Variants in PABPC4L observed in about 807,000 individuals in gnomAD.
PABPC4L encodes polyadenylate-binding protein 4-like.
For synonymous variants in PABPC4L, 169 were observed against 164.1 expected (o/e 1.03, Z -0.23); for missense variants, 452 against 451.4 (o/e 1.00, Z -0.01).
At chr4:134,071,487 T>G in the PABPC4L span, among the ~76,000 whole-genome samples, 1 of 152,216 alleles carries the variant, frequency 6.6e-6, no homozygotes, top group East Asian at 1.9e-4. Flanking sequence ...ATTAAAATTC[T>G]TTGGTGTTTT....
At chr4:133,963,981 G>C in the PABPC4L span, among the ~76,000 whole-genome samples, 1 of 151,664 alleles carries the variant, frequency 6.6e-6, no homozygotes, top group African/African-American at 2.4e-5. Context: ...GATCAGAGCA[G>C]AACTAAATGA....
chr4:134,037,092 G>T, the PABPC4L span, among the ~76,000 whole-genome samples: 7 of 151,382 alleles, frequency 4.6e-5, no homozygotes, highest in Non-Finnish European at 8.8e-5. Context: ...GATACCTCCA[G>T]ATTTATTATT....
chr4:133,973,797 T>C, the PABPC4L span, among the ~76,000 whole-genome samples: 1 of 152,206 alleles, frequency 6.6e-6, no homozygotes, highest in Non-Finnish European at 1.5e-5. Flanking sequence ...CATTGTTTAA[T>C]ATTAAAGGTT....
At chr4:133,966,365 A>G in the PABPC4L span, among the ~76,000 whole-genome samples, 3 of 152,198 alleles carry the variant, frequency 2.0e-5, no homozygotes, top group African/African-American at 7.2e-5. Flanking sequence ...TGGGAATGTA[A>G]GCTAGTAAAA....
chr4:134,000,636 A>C, the PABPC4L span, among the ~76,000 whole-genome samples: 12 of 152,090 alleles, frequency 7.9e-5, no homozygotes, highest in African/African-American at 2.9e-4. Flanking sequence ...TTTTCAGAAA[A>C]GATTAGCATT....
chr4:133,970,683 A>C, the PABPC4L span, among the ~76,000 whole-genome samples: 35 of 152,268 alleles, frequency 2.3e-4, no homozygotes, highest in African/African-American at 8.2e-4. Context: ...TTGAAATTCT[A>C]ACCCTCAAGG....
the PABPC4L span, among the ~76,000 whole-genome samples, chr4:134,150,195 T>G: frequency 4.6e-5 from 7 of 151,468 alleles, no homozygotes; most frequent in African/African-American, 1.5e-4. Context: ...CGATTCTCCC[T>G]GCCTCAGCCT....
chr4:133,993,989 TG>T, the PABPC4L span, among the ~76,000 whole-genome samples: 4 of 151,898 alleles, frequency 2.6e-5, no homozygotes, highest in Admixed American at 6.6e-5. Context: ...ATAGGCTGAG[TG>T]GAAAAGGTCT....
the PABPC4L span, among the ~76,000 whole-genome samples, chr4:134,050,057 A>G: frequency 6.6e-6 from 1 of 152,174 alleles, no homozygotes. Context: ...TGATTAACTG[A>G]TGTGCACTCT....
At chr4:134,089,237 A>AT in the PABPC4L span, among the ~76,000 whole-genome samples, 1 of 151,982 alleles carries the variant, frequency 6.6e-6, no homozygotes, top group African/African-American at 2.4e-5. Flanking sequence ...TATTCTTTCA[A>AT]TTTTTTAGTT....
chr4:133,986,015 G>C, the PABPC4L span, among the ~76,000 whole-genome samples: 1 of 151,982 alleles, frequency 6.6e-6, no homozygotes, highest in Admixed American at 6.6e-5. Context: ...TACACATCGA[G>C]AATACTCAAG....
At chr4:134,059,386 C>CTATA in the PABPC4L span, among the ~76,000 whole-genome samples, 12,526 of 142,350 alleles carry the variant, frequency 0.088, 579 homozygotes, top group South Asian at 0.13. Flanking sequence ...AGGAAACAAA[C>CTATA]TATATATATA....
At chr4:134,058,941 C>CT in the PABPC4L span, among the ~76,000 whole-genome samples, 2 of 151,900 alleles carry the variant, frequency 1.3e-5, no homozygotes, top group Non-Finnish European at 2.9e-5. Context: ...ACACTGAAAT[C>CT]TAAGTGTTAA....
the PABPC4L span, among the ~76,000 whole-genome samples, chr4:134,041,582 T>A: frequency 6.6e-6 from 1 of 151,818 alleles, no homozygotes; most frequent in South Asian, 2.1e-4. Flanking sequence ...TGTCAGGGGA[T>A]GGGAGGCTGG....
chr4:134,001,260 G>A, the PABPC4L span, among the ~76,000 whole-genome samples: 1,029 of 143,350 alleles, frequency 7.2e-3, 16 homozygotes, highest in African/African-American at 0.024. Context: ...ATGACAGCAT[G>A]AGCAAGAGCA....
At chr4:134,061,208 C>T in the PABPC4L span, among the ~76,000 whole-genome samples, 3 of 151,722 alleles carry the variant, frequency 2.0e-5, no homozygotes, top group Admixed American at 2.0e-4. Context: ...TATACCCCTG[C>T]TAGGTACCCA....
chr4:134,132,099 C>A, the PABPC4L span, among the ~76,000 whole-genome samples: 3 of 151,822 alleles, frequency 2.0e-5, no homozygotes, highest in Admixed American at 1.3e-4. Flanking sequence ...AAGATCTGAA[C>A]CCATAAAAAT....
chr4:134,112,932 T>C, the PABPC4L span, among the ~76,000 whole-genome samples: 2 of 151,912 alleles, frequency 1.3e-5, no homozygotes, highest in Non-Finnish European at 2.9e-5. Flanking sequence ...GGACAAGCCA[T>C]GGAGGTAGAA....
At chr4:134,045,815 A>T in the PABPC4L span, among the ~76,000 whole-genome samples, 3 of 152,128 alleles carry the variant, frequency 2.0e-5, no homozygotes, top group Admixed American at 2.0e-4. Flanking sequence ...AATTATTATT[A>T]ATCTTTGCTA....
Sources: gnomAD v4.1 joint callset for allele counts (sites outside exome capture counted in the v4.1 genomes callset) on GRCh38, gnomAD v4.1.1 for gene constraint, MANE v1.5 for transcripts, NCBI Gene and HGNC (gene_info 2026-07-23, HGNC 2026-07-21) for gene names.